WNK1: variants seen among roughly 807,000 people sequenced by gnomAD.
The protein encoded by WNK1 is serine/threonine-protein kinase WNK1.
A neutral mutation model predicts 222.8 loss-of-function variants in WNK1; 38 were observed. That is an observed-to-expected ratio of 0.17 (90% CI 0.13 to 0.22). WNK1 has a LOEUF of 0.22. Ranked by LOEUF, WNK1 falls within the 10% of genes least tolerant of loss-of-function variation. The pLI, the probability that WNK1 is intolerant of heterozygous loss-of-function variation, is 1.00. For missense variants in WNK1, 2,348 were observed against 2,918.4 expected (o/e 0.80, Z 4.50); for synonymous variants, 1,090 against 1,092.9 (o/e 1.00, Z 0.05).
chr12:833,050 T>G (rs183059050), intron 4 of WNK1, among the ~76,000 whole-genome samples: 1 of 152,190 alleles, frequency 6.6e-6, no homozygotes, highest in East Asian at 1.9e-4. Flanking sequence ...GTCGACTGTT[T>G]ATTGGGTAAT....
At chr12:800,668 T>A (rs1371574549) in intron 1 of WNK1, among the ~76,000 whole-genome samples, 1 of 152,130 alleles carries the variant, frequency 6.6e-6, no homozygotes, top group Non-Finnish European at 1.5e-5. Flanking sequence ...TTAGAGTTTG[T>A]CTGTATTTAG....
intron 1 of WNK1, among the ~76,000 whole-genome samples, chr12:756,331 A>G (rs1332629354): frequency 6.6e-6 from 1 of 152,204 alleles, no homozygotes; most frequent in Non-Finnish European, 1.5e-5. Context: ...GGAACTGATA[A>G]TACAGTGAAA....
chr12:800,011 G>C (rs1945719442), intron 1 of WNK1, among the ~76,000 whole-genome samples: 1 of 152,094 alleles, frequency 6.6e-6, no homozygotes, highest in African/African-American at 2.4e-5. Context: ...AGGCACAGTG[G>C]TGCGCACCCA....
chr12:865,363 CTGTA>C, intron 8 of WNK1: 2 of 1,532,020 alleles, frequency 1.3e-6, no homozygotes, highest in Non-Finnish European at 8.7e-7. Flanking sequence ...TTTGTCAGTA[CTGTA>C]TGTAACTGTA....
chr12:754,379 C>T (rs958902318), intron 1 of WNK1, 55 bp downstream of exon 1: 2 of 1,609,272 alleles, frequency 1.2e-6, no homozygotes, highest in Admixed American at 3.3e-5. Flanking sequence ...TTTGGCTCGG[C>T]GAAGCCAGTT....
At chr12:843,072 A>C (rs2154044834) in intron 4 of WNK1, among the ~76,000 whole-genome samples, 1 of 152,264 alleles carries the variant, frequency 6.6e-6, no homozygotes, top group African/African-American at 2.4e-5. Flanking sequence ...GGTAGCTGGG[A>C]TTACAGGCAC....
chr12:882,166 A>T, intron 14 of WNK1, 93 bp downstream of exon 14: 1 of 1,371,370 alleles, frequency 7.3e-7, no homozygotes, highest in South Asian at 1.3e-5. Context: ...CACTCACTTC[A>T]TAAAATAAAG....
Position 879,853 on chromosome 12 carries a change from T to TC in WNK1, c.2657dup (p.Val888GlyfsTer7). 1 of 1,614,176 alleles carries TC rather than the reference T, an allele frequency of 6.2e-7. No homozygotes were observed. The highest frequency in any genetic ancestry group is 8.5e-7 in the Non-Finnish European group (1 of 1,180,038). ...GCTTCATCTGCTACAACAGCTGCGATCCCGGGGGTATCAACTGTGGTTCCT... is the reference window on the plus strand; with the variant it reads ...GCTTCATCTGCTACAACAGCTGCGATCCCCGGGGGTATCAACTGTGGTTCCT... On this transcript the variant is annotated frameshift_variant, in exon 11 of 28. Transcript: ENST00000315939. LOFTEE classifies it high-confidence loss of function.
chr12:797,744 G>A (rs569594805), intron 1 of WNK1, among the ~76,000 whole-genome samples: 37 of 151,968 alleles, frequency 2.4e-4, no homozygotes, highest in South Asian at 1.9e-3. Flanking sequence ...TCAAGAGTTC[G>A]AGACGAGCCT....
At chr12:765,462 G>A (rs1029716636) in intron 1 of WNK1, among the ~76,000 whole-genome samples, 1 of 147,630 alleles carries the variant, frequency 6.8e-6, no homozygotes, top group Non-Finnish European at 1.5e-5. Context: ...TGGGTGGATT[G>A]CTTGAGCTGG....
Position 777,586 on chromosome 12 carries a change from A to G in WNK1, c.759+23262A>G, listed in dbSNP as rs1943257251. On this transcript the variant is annotated intron_variant, in intron 1 of 27. Transcript: ENST00000315939. ...CTAGAATTTTGAGATAGAGCTAGATATGATCTACCATGGAACATAATTCAG... is the reference window on the plus strand; with the variant it reads ...CTAGAATTTTGAGATAGAGCTAGATGTGATCTACCATGGAACATAATTCAG... 2.0e-5 allele frequency among the ~76,000 whole-genome samples: 3 copies of G among 152,226 alleles called. No homozygotes were observed. In the South Asian group the frequency reaches 6.2e-4, roughly 31 times the overall value.
In WNK1 at chr12:879,861, G is replaced by T. The variant is rs1303086844; in HGVS notation, c.2662G>T (p.Val888Leu). 3.7e-6 allele frequency: 6 copies of T among 1,614,136 alleles called. No homozygotes were observed. Among genetic ancestry groups the T allele is most frequent in the East Asian group, 2.2e-5 (1 of 44,866 alleles). The change falls in exon 11 of 28, where the codon GTA (valine) becomes TTA (leucine). Residue 888 changes from valine (V) to leucine (L), a missense_variant. Val to Leu is a conservative substitution (Grantham distance 32). This residue lies in a region of WNK1 where 547 missense variants were observed against 558.3 expected (regional missense o/e 0.98). Coordinates refer to ENST00000315939, the MANE Select transcript of WNK1 (RefSeq NM_018979.4). ...SSATTAAIPG[V>L]STVVPSQLPT... Reference sequence around the variant, plus strand: ...TGCTACAACAGCTGCGATCCCGGGGGTATCAACTGTGGTTCCTAGTCAGCT... The same window carrying T: ...TGCTACAACAGCTGCGATCCCGGGGTTATCAACTGTGGTTCCTAGTCAGCT...
chr12:815,347 G>A (rs1203272258), intron 2 of WNK1, among the ~76,000 whole-genome samples: 3 of 152,196 alleles, frequency 2.0e-5, no homozygotes, highest in African/African-American at 7.2e-5. Context: ...CTGCTGAGCT[G>A]ATTAATTCCA....
chr12:753,685 A>G lies in WNK1; in HGVS notation c.120A>G (p.Gly40=), dbSNP rs1381346081. The G allele has an allele frequency of 3.7e-6, 6 of 1,611,924 alleles. No homozygotes were observed. Among genetic ancestry groups the G allele is most frequent in the Non-Finnish European group, 5.1e-6 (6 of 1,179,740 alleles). Reference sequence around the variant, plus strand: ...ATTCCTCCGTGGGGGAGAAACTGGGAGCCGCGGCCGCCGACGCTGTGACCG... The same window carrying G: ...ATTCCTCCGTGGGGGAGAAACTGGGGGCCGCGGCCGCCGACGCTGTGACCG... The part of the protein sequence containing the change: ...SSDSSVGEKL[G]AAAADAVTGR... Residue 40 remains glycine, a synonymous_variant, in exon 1 of 28, where the codon GGA becomes GGG. Transcript: ENST00000315939. The surrounding 1 kb of genome is among the most constrained non-coding windows in gnomAD (Gnocchi z 5.2).
At chr12:757,257 A>G (rs1190605082) in intron 1 of WNK1, among the ~76,000 whole-genome samples, 1 of 147,488 alleles carries the variant, frequency 6.8e-6, no homozygotes, top group African/African-American at 2.5e-5. Flanking sequence ...TGTCATGCTA[A>G]TTTTTTTAGA....
intron 4 of WNK1, among the ~76,000 whole-genome samples, chr12:833,148 GT>G (rs1286200791): frequency 6.6e-6 from 1 of 151,942 alleles, no homozygotes; most frequent in Non-Finnish European, 1.5e-5. Context: ...ACTACTTCCA[GT>G]TTATAAGGTT....
At chr12:878,871 A>G (rs1277943116) in intron 10 of WNK1, among the ~76,000 whole-genome samples, 3 of 151,356 alleles carry the variant, frequency 2.0e-5, no homozygotes, top group Admixed American at 1.3e-4. Context: ...TTTCAACTTT[A>G]TTTTTGAGTA....
Position 911,364 on chromosome 12 carries a change from T to G in WNK1, c.*2572T>G. On this transcript the variant is annotated 3_prime_UTR_variant, in exon 28 of 28. Coordinates refer to ENST00000315939, the MANE Select transcript of WNK1 (RefSeq NM_018979.4). The stretch of plus-strand genomic sequence containing the variant: ...GCACTAACTCTGGGTGTTGCGCTTC[T>G]TGTAAGATTGCGCTTTGTGCTTCAG... 3 of 398,666 alleles carry G rather than the reference T, an allele frequency of 7.5e-6. No homozygotes were observed. Among genetic ancestry groups the G allele is most frequent in the Non-Finnish European group, 1.3e-5 (3 of 226,066 alleles). 24.7% of individuals were successfully genotyped at this position (398,666 alleles called of 1,614,324 possible).
chr12:846,373 C>T (rs1251219356), intron 4 of WNK1, among the ~76,000 whole-genome samples: 6 of 152,094 alleles, frequency 3.9e-5, no homozygotes, highest in African/African-American at 7.2e-5. Flanking sequence ...TAATAAAAAC[C>T]GTAGCAGGCA....
Sources: allele counts gnomAD v4.1 joint callset (sites outside exome capture counted in the v4.1 genomes callset), GRCh38; gene constraint gnomAD v4.1.1; regional missense constraint gnomAD v4.1.1; non-coding constraint Gnocchi (gnomAD v3.1); transcripts MANE v1.5; gene names NCBI Gene and HGNC (gene_info 2026-07-23, HGNC 2026-07-21).